NTM: variants seen among roughly 807,000 people sequenced by gnomAD.
NTM encodes IgLON family member 2.
NTM carries 13 observed loss-of-function variants against 42.1 expected under a neutral mutation model. The ratio of observed to expected loss-of-function variants is 0.31; its 90% CI spans 0.20 to 0.49. The LOEUF is 0.49. Among genes scored for constraint, NTM ranks in the 20% least tolerant of loss-of-function variants. NTM has a pLI of 0.99. For missense variants in NTM, 373 were observed against 452.8 expected (o/e 0.82, Z 1.60); for synonymous variants, 187 against 179.2 (o/e 1.04, Z -0.35).
intron 2 of NTM, among the ~76,000 whole-genome samples, chr11:132,140,213 C>G (rs916507795): frequency 1.3e-5 from 2 of 152,186 alleles, no homozygotes; most frequent in African/African-American, 4.8e-5. Flanking sequence ...ACTTCAGACC[C>G]TATTCTCTTT....
At chr11:132,278,743 TTCTCTCTCTCTCTCTCTCTC>T (rs66748602) in intron 4 of NTM, among the ~76,000 whole-genome samples, 67 of 137,878 alleles carry the variant, frequency 4.9e-4, no homozygotes, top group African/African-American at 5.9e-4. Flanking sequence ...TCATTTGGGC[TTCTCTCTCTCTCTCTCTCTC>T]TCTCTCTCTC....
intron 2 of NTM, among the ~76,000 whole-genome samples, chr11:132,043,338 AT>A (rs1404410761): frequency 3.9e-5 from 6 of 152,244 alleles, no homozygotes; most frequent in Admixed American, 2.6e-4. Flanking sequence ...AAAATGAACA[AT>A]TCTAACCACC....
chr11:131,782,011 G>A (rs937671288), intron 1 of NTM, among the ~76,000 whole-genome samples: 1 of 152,174 alleles, frequency 6.6e-6, no homozygotes, highest in Non-Finnish European at 1.5e-5. Context: ...TTCATTAATG[G>A]TTTATTTGAG....
intron 1 of NTM, among the ~76,000 whole-genome samples, chr11:131,751,975 A>G (rs947163372): frequency 5.3e-5 from 8 of 152,182 alleles, no homozygotes; most frequent in Non-Finnish European, 2.9e-5. Context: ...TGCTTCATAA[A>G]TGCAGAAGCC....
intron 1 of NTM, chr11:131,877,542 A>C (rs1165975654): frequency 6.6e-6 from 1 of 152,080 alleles, no homozygotes; most frequent in African/African-American, 2.4e-5. Context: ...CCCCACCCCT[A>C]TTCCACCCAG....
At chr11:132,296,430 C>T (rs922142467) in intron 4 of NTM, among the ~76,000 whole-genome samples, 1 of 151,982 alleles carries the variant, frequency 6.6e-6, no homozygotes, top group African/African-American at 2.4e-5. Flanking sequence ...AATTATTTCC[C>T]ACGTGTTAAT....
At chr11:131,653,816 A>G (rs2066824240) in intron 1 of NTM, among the ~76,000 whole-genome samples, 1 of 150,966 alleles carries the variant, frequency 6.6e-6, no homozygotes, top group African/African-American at 2.5e-5. Context: ...CGGAATGACC[A>G]GGATACATTG....
At chr11:132,099,991 C>T (rs528609990) in intron 2 of NTM, among the ~76,000 whole-genome samples, 2 of 152,272 alleles carry the variant, frequency 1.3e-5, no homozygotes, top group South Asian at 4.1e-4. Flanking sequence ...CCTTTCTACT[C>T]ACCACCCCCT....
chr11:131,374,484 C>T (rs1006767258), intron 1 of NTM, among the ~76,000 whole-genome samples: 4 of 152,188 alleles, frequency 2.6e-5, no homozygotes, highest in African/African-American at 9.7e-5. Flanking sequence ...CCCCAGATCT[C>T]GTCTTATCAG....
chr11:131,544,041 C>A (rs2053616385), intron 1 of NTM, among the ~76,000 whole-genome samples: 1 of 152,094 alleles, frequency 6.6e-6, no homozygotes, highest in Non-Finnish European at 1.5e-5. Context: ...GCCCCTACCA[C>A]CATATTTAGC....
intron 2 of NTM, among the ~76,000 whole-genome samples, chr11:132,001,355 G>A (rs543657856): frequency 6.6e-6 from 1 of 152,302 alleles, no homozygotes; most frequent in South Asian, 2.1e-4. Context: ...CTGATTTATA[G>A]TAAGCTGTTG....
At chr11:132,094,818 T>G (rs935309099) in intron 2 of NTM, among the ~76,000 whole-genome samples, 1 of 152,168 alleles carries the variant, frequency 6.6e-6, no homozygotes, top group African/African-American at 2.4e-5. Flanking sequence ...TGTGAGTCCA[T>G]GTGTGCATCA....
chr11:132,263,213 G>T (rs113377690), intron 4 of NTM, among the ~76,000 whole-genome samples: 28 of 152,340 alleles, frequency 1.8e-4, no homozygotes, highest in African/African-American at 6.3e-4. Flanking sequence ...CCCCAAGGCT[G>T]TTCAAGGGGG....
At chr11:131,765,807 T>C (rs764636917) in intron 1 of NTM, among the ~76,000 whole-genome samples, 5 of 152,216 alleles carry the variant, frequency 3.3e-5, no homozygotes, top group Non-Finnish European at 7.3e-5. Flanking sequence ...GTAGAGCGTT[T>C]ACTTGGGCCA....
At chr11:131,814,072 C>T (rs2092848332) in intron 1 of NTM, among the ~76,000 whole-genome samples, 1 of 152,082 alleles carries the variant, frequency 6.6e-6, no homozygotes, top group South Asian at 2.1e-4. Flanking sequence ...TGAACCACAA[C>T]CTAGTGACTT....
intron 1 of NTM, among the ~76,000 whole-genome samples, chr11:131,879,479 A>G (rs144736960): frequency 5.3e-5 from 8 of 152,126 alleles, no homozygotes; most frequent in African/African-American, 1.9e-4. Flanking sequence ...AATCTTCAAC[A>G]CTCTTACTTT....
chr11:132,111,981 C>T (rs1239787259), intron 2 of NTM, among the ~76,000 whole-genome samples: 2 of 152,248 alleles, frequency 1.3e-5, no homozygotes, highest in African/African-American at 4.8e-5. Context: ...CTTTTCTCAA[C>T]AGAGGCTAGA....
At chr11:131,425,769 GGA>G (rs1221917441) in intron 1 of NTM, among the ~76,000 whole-genome samples, 1 of 152,058 alleles carries the variant, frequency 6.6e-6, no homozygotes, top group Non-Finnish European at 1.5e-5. Context: ...TAGGATCACT[GGA>G]TATAAAGAGT....
intron 3 of NTM, among the ~76,000 whole-genome samples, chr11:132,180,815 C>G (rs1256962556): frequency 6.6e-6 from 1 of 152,084 alleles, no homozygotes; most frequent in African/African-American, 2.4e-5. Flanking sequence ...CCCGGTGAGG[C>G]TCTCCCATCA....
Sources: allele counts gnomAD v4.1 joint callset (sites outside exome capture counted in the v4.1 genomes callset), GRCh38; gene constraint gnomAD v4.1.1; transcripts MANE v1.5; gene names NCBI Gene and HGNC (gene_info 2026-07-23, HGNC 2026-07-21).